The following ATCAY variants were observed in gnomAD, a reference collection of about 807,000 sequenced individuals.
ATCAY encodes the protein caytaxin.
In ATCAY, 22 loss-of-function variants were observed where a neutral mutation model predicts 47.7. The ratio of observed to expected loss-of-function variants is 0.46; its 90% CI spans 0.33 to 0.66. The LOEUF (loss-of-function observed/expected upper bound fraction) is 0.66, where lower values mean the gene tolerates loss of function less well. Among genes scored for constraint, ATCAY ranks in the 30% least tolerant of loss-of-function variants. The pLI is 0.02. For missense variants in ATCAY, 452 were observed against 515.0 expected (o/e 0.88, Z 1.18); for synonymous variants, 216 against 207.6 (o/e 1.04, Z -0.35).
chr19:3,889,887 C>T (rs10420284), intron 2 of ATCAY, among the ~76,000 whole-genome samples: 64,174 of 151,774 alleles, frequency 0.42, 15,835 homozygotes, highest in African/African-American at 0.67. Context: ...AGCGTTATTA[C>T]TATTATTAGC....
At chr19:3,892,305 C>T (rs897327160) in intron 2 of ATCAY, among the ~76,000 whole-genome samples, 3 of 151,918 alleles carry the variant, frequency 2.0e-5, no homozygotes, top group Admixed American at 1.3e-4. Context: ...CAGGCTGAGG[C>T]GATCCTCCCA....
intron 3 of ATCAY, among the ~76,000 whole-genome samples, chr19:3,904,599 CTCTT>C (rs974120470): frequency 1.3e-5 from 2 of 151,826 alleles, no homozygotes; most frequent in Non-Finnish European, 2.9e-5. Context: ...TTCTCCCTCT[CTCTT>C]TTTTTCCATA....
At chr19:3,912,878 CTG>C in intron 8 of ATCAY, among the ~76,000 whole-genome samples, 1 of 97,062 alleles carries the variant, frequency 1.0e-5, no homozygotes, top group African/African-American at 5.0e-5. Flanking sequence ...GAGTGAGACT[CTG>C]TCTCTTAAAA....
intron 2 of ATCAY, among the ~76,000 whole-genome samples, chr19:3,887,478 A>AT (rs1367978296): frequency 4.1e-5 from 6 of 147,998 alleles, no homozygotes; most frequent in African/African-American, 1.0e-4. Context: ...TATTTTTTTT[A>AT]TTTTATTTAT....
At chr19:3,892,694 G>A (rs1045931873) in intron 2 of ATCAY, among the ~76,000 whole-genome samples, 1 of 152,106 alleles carries the variant, frequency 6.6e-6, no homozygotes, top group African/African-American at 2.4e-5. Context: ...ATCACCTGAG[G>A]TCGGGAGTTC....
chr19:3,924,242 T>C (rs76782760), intron 12 of ATCAY, among the ~76,000 whole-genome samples: 12 of 142,632 alleles, frequency 8.4e-5, no homozygotes, highest in African/African-American at 3.6e-4. Flanking sequence ...TGTGGATGGA[T>C]GGATGGATGG....
chr19:3,904,323 CA>C (rs1011323144), intron 3 of ATCAY, among the ~76,000 whole-genome samples: 2 of 152,018 alleles, frequency 1.3e-5, no homozygotes, highest in Non-Finnish European at 2.9e-5. Flanking sequence ...GACTCCATCT[CA>C]AAAAAATAAA....
In ATCAY at chr19:3,881,185, C is replaced by T. The variant is rs373905139; in HGVS notation, c.-42+177C>T. ...CCCTGTTCCCGGTACCAGGGAAAAC[C>T]GTTCCCTGAGCTGCGCCCAGCAACA... On this transcript the variant is annotated intron_variant, in intron 1 of 12. Transcript: ENST00000450849. 1.2e-4 allele frequency among the ~76,000 whole-genome samples: 19 copies of T among 152,106 alleles called. No individual in the cohort carries two copies. The East Asian group carries it at 2.7e-3, about 22-fold the overall frequency.
At chr19:3,885,919 G>A (rs2038647698) in intron 2 of ATCAY, 75 bp downstream of exon 2, 12 of 1,476,584 alleles carry the variant, frequency 8.1e-6, no homozygotes, top group South Asian at 4.9e-5. Context: ...GGAGCGGCCC[G>A]GGTCTCTCTC....
intron 11 of ATCAY, among the ~76,000 whole-genome samples, chr19:3,919,316 G>A (rs543201559): frequency 9.9e-5 from 15 of 151,340 alleles, no homozygotes; most frequent in East Asian, 5.9e-4. Context: ...ATTATCGGCC[G>A]GGTGTGGTGG....
chr19:3,915,550 CCTTT>C (rs1321059347), intron 9 of ATCAY, among the ~76,000 whole-genome samples: 2 of 147,764 alleles, frequency 1.4e-5, no homozygotes, highest in East Asian at 2.0e-4. Context: ...CCTCTCCAGA[CCTTT>C]CTTTTTTTTT....
At chr19:3,903,938 A>T (rs2038837430) in intron 3 of ATCAY, among the ~76,000 whole-genome samples, 1 of 148,940 alleles carries the variant, frequency 6.7e-6, no homozygotes, top group Admixed American at 6.8e-5. Context: ...GGAGTTTGAG[A>T]CCAACCTGGC....
intron 2 of ATCAY, among the ~76,000 whole-genome samples, chr19:3,890,925 G>A (rs953522148): frequency 2.6e-5 from 4 of 152,128 alleles, no homozygotes; most frequent in Non-Finnish European, 5.9e-5. Flanking sequence ...TCTGTCTGCC[G>A]CAAAACAGCT....
In ATCAY at chr19:3,885,577, A is replaced by G. The variant is rs527487435; in HGVS notation, c.-41-150A>G. ...TCAAAAAAGAAGAAGAAGAAGGAGA[A>G]GGAGAGAGGAGAGGAGAAAGGAGAG... On this transcript the variant is annotated intron_variant, in intron 1 of 12. Coordinates refer to ENST00000450849, the MANE Select transcript of ATCAY (RefSeq NM_033064.5). The G allele has an allele frequency of 3.2e-4, 167 of 516,714 alleles. 2 individuals are homozygous for G. The African/African-American group carries it at 3.3e-3, about 10-fold the overall frequency. The allele number at this position is 516,714 out of a possible 1,614,324, so 32.0% of individuals were successfully genotyped here.
chr19:3,916,475 T>C (rs1020871792), intron 9 of ATCAY, among the ~76,000 whole-genome samples: 1 of 148,202 alleles, frequency 6.7e-6, no homozygotes, highest in Non-Finnish European at 1.5e-5. Context: ...GGAACCACCA[T>C]ACTGTTTTGT....
At chr19:3,913,374 G>C (rs766643888) in intron 8 of ATCAY, among the ~76,000 whole-genome samples, 3 of 152,132 alleles carry the variant, frequency 2.0e-5, no homozygotes, top group Non-Finnish European at 2.9e-5. Flanking sequence ...CGTCCTGTGC[G>C]GTGACATGGA....
intron 9 of ATCAY, among the ~76,000 whole-genome samples, 164 bp from the exon 10 acceptor site, chr19:3,917,578 C>A: frequency 1.5e-5 from 1 of 68,022 alleles, no homozygotes; most frequent in Admixed American, 2.1e-4. Flanking sequence ...GTGCAAGACT[C>A]CATCTCAAAA....
chr19:3,922,721 G>GT (rs927292448), intron 12 of ATCAY, among the ~76,000 whole-genome samples: 116 of 152,214 alleles, frequency 7.6e-4, no homozygotes, highest in African/African-American at 2.6e-3. Context: ...TGACCACACA[G>GT]TTTTTTTGTT....
Position 3,924,583 on chromosome 19 carries a change from C to G in ATCAY, c.1107C>G (p.Ser369Arg). 1 of 1,613,818 alleles carries G rather than the reference C, an allele frequency of 6.2e-7. No individual in the cohort carries two copies. Among genetic ancestry groups the G allele is most frequent in the Non-Finnish European group, 8.5e-7 (1 of 1,179,820 alleles). ...SALVSEDQETSMS is the reference protein window; with the variant it reads ...SALVSEDQETRMS ...TTGGCCTGTGTCTTTCCCTCCCTAG[C>G]ATGTCCTGAGGCGACGTGAGCATAA... is the stretch of plus-strand genomic sequence containing the variant. The change falls in exon 13 of 13, where the codon AGC (serine) becomes AGG (arginine). Residue 369 changes from serine (S) to arginine (R), a missense_variant and splice_region_variant. By Grantham distance (110) the Ser-to-Arg change is moderately radical. Coordinates refer to ENST00000450849, the MANE Select transcript of ATCAY (RefSeq NM_033064.5).
Sources: gnomAD v4.1 joint callset for allele counts (sites outside exome capture counted in the v4.1 genomes callset) on GRCh38, gnomAD v4.1.1 for gene constraint, MANE v1.5 for transcripts, NCBI Gene and HGNC (gene_info 2026-07-23, HGNC 2026-07-21) for gene names.